The following MTFR1 variants were observed in gnomAD, a reference collection of about 807,000 sequenced individuals.
The protein encoded by MTFR1 is mitochondrial fission regulator 1, also known as chondrocyte protein with a poly-proline region.
MTFR1 carries 28 observed loss-of-function variants against 38.8 expected under a neutral mutation model. The observed-to-expected ratio is 0.72, with a 90% confidence interval of 0.53 to 0.99. The LOEUF (loss-of-function observed/expected upper bound fraction) is 0.99, where lower values mean the gene tolerates loss of function less well. Ranked by LOEUF, MTFR1 falls within the 50% of genes least tolerant of loss-of-function variation. The pLI is 0.00. For missense variants in MTFR1, 358 were observed against 395.5 expected (o/e 0.91, Z 0.81); for synonymous variants, 145 against 137.0 (o/e 1.06, Z -0.41).
chr8:65,743,244 C>T (rs865968283), intron 3 of MTFR1, among the ~76,000 whole-genome samples: 1 of 151,990 alleles, frequency 6.6e-6, no homozygotes, highest in South Asian at 2.1e-4. Context: ...GGGGAATTTC[C>T]CTGAGCAAGA....
intron 1 of MTFR1, among the ~76,000 whole-genome samples, chr8:65,667,944 A>AT (rs1804436572): frequency 6.6e-6 from 1 of 151,894 alleles, no homozygotes; most frequent in African/African-American, 2.4e-5. Flanking sequence ...TCCTCCTTTC[A>AT]TTAGCGCCCA....
chr8:65,725,526 T>C (rs1806573920), intron 3 of MTFR1: 1 of 154,132 alleles, frequency 6.5e-6, no homozygotes, highest in Non-Finnish European at 1.5e-5. Context: ...AACATGTTAA[T>C]ATAAACAGCA....
chr8:65,758,306 T>C (rs1375521202), intron 3 of MTFR1, among the ~76,000 whole-genome samples: 2 of 152,220 alleles, frequency 1.3e-5, no homozygotes, highest in Admixed American at 6.5e-5. Flanking sequence ...AATACAGTTA[T>C]ACTTTCTTGC....
exon 3 of MTFR1, chr8:65,719,452 G>C: frequency 6.2e-7 from 1 of 1,614,016 alleles, no homozygotes; most frequent in Non-Finnish European, 8.5e-7. Flanking sequence ...TGGAAAACCT[G>C]GCCCATTCTG....
At chr8:65,694,263 T>C (rs1805369726) in intron 4 of MTFR1, among the ~76,000 whole-genome samples, 1 of 151,762 alleles carries the variant, frequency 6.6e-6, no homozygotes, top group Admixed American at 6.6e-5. Flanking sequence ...TTAGTAGAGA[T>C]GGGGTTTCGC....
chr8:65,727,425 CT>C (rs1158708278), intron 3 of MTFR1: 1 of 1,386,072 alleles, frequency 7.2e-7, no homozygotes. Context: ...CACGTCATTC[CT>C]CAGGTGGTTG....
intron 1 of MTFR1, among the ~76,000 whole-genome samples, chr8:65,655,952 A>ATATATATATATATG (rs1554545341): frequency 0.016 from 580 of 36,566 alleles, 7 homozygotes; most frequent in South Asian, 0.033. Flanking sequence ...AAAAAAAAAA[A>ATATATATATATATG]TATATATATA....
intron 1 of MTFR1, among the ~76,000 whole-genome samples, chr8:65,661,145 T>C (rs774096259): frequency 9.2e-5 from 14 of 152,228 alleles, no homozygotes; most frequent in Non-Finnish European, 1.3e-4. Context: ...GGTGGATACA[T>C]ATCATTATTC....
intron 1 of MTFR1, among the ~76,000 whole-genome samples, chr8:65,666,778 G>A (rs1000260631): frequency 6.6e-6 from 1 of 152,032 alleles, no homozygotes; most frequent in Non-Finnish European, 1.5e-5. Context: ...TTTAGCTAAG[G>A]GCTCTTGTTT....
chr8:65,647,351 T>C (rs2129046527), intron 1 of MTFR1, among the ~76,000 whole-genome samples: 1 of 152,354 alleles, frequency 6.6e-6, no homozygotes, highest in South Asian at 2.1e-4. Context: ...TTACTCTTGT[T>C]GCCCAGGATG....
chr8:65,677,430 AG>A (rs1804746921), intron 2 of MTFR1, among the ~76,000 whole-genome samples: 1 of 133,734 alleles, frequency 7.5e-6, no homozygotes, highest in Admixed American at 7.9e-5. Flanking sequence ...TGTCCCAGGC[AG>A]GAGTGCAGTG....
At chr8:65,738,198 A>G (rs1434360877) in intron 3 of MTFR1, among the ~76,000 whole-genome samples, 2 of 152,256 alleles carry the variant, frequency 1.3e-5, no homozygotes, top group Non-Finnish European at 2.9e-5. Flanking sequence ...CTTTATTGCT[A>G]TAAAATGCTA....
At chr8:65,698,468 T>G (rs1805510609) in intron 4 of MTFR1, among the ~76,000 whole-genome samples, 1 of 152,006 alleles carries the variant, frequency 6.6e-6, no homozygotes, top group South Asian at 2.1e-4. Context: ...TCAAGTTAAT[T>G]TTTTCATACA....
At chr8:65,688,765 A>G (rs927703006) in intron 3 of MTFR1, among the ~76,000 whole-genome samples, 12 of 151,926 alleles carry the variant, frequency 7.9e-5, no homozygotes, top group Admixed American at 6.6e-4. Context: ...TTTTCTTAGC[A>G]TGGAAGCAAC....
chr8:65,645,933 C>A (rs1808954577), intron 1 of MTFR1, among the ~76,000 whole-genome samples: 1 of 152,120 alleles, frequency 6.6e-6, no homozygotes, highest in Non-Finnish European at 1.5e-5. Flanking sequence ...TAATAATTTG[C>A]TTTCTAGAGG....
intron 3 of MTFR1, chr8:65,719,822 T>G (rs1384387238): frequency 3.2e-6 from 1 of 312,302 alleles, no homozygotes; most frequent in African/African-American, 2.1e-5. Flanking sequence ...CTGAGGATAC[T>G]CGGGCATAGC....
At chr8:65,772,966 C>A (rs770542502), downstream of MTFR1, among the ~76,000 whole-genome samples, 1 of 152,154 alleles carries the variant, frequency 6.6e-6, no homozygotes, top group Non-Finnish European at 1.5e-5. Flanking sequence ...TGAGATCGTG[C>A]CACTGCACTC....
At chr8:65,739,541 A>C in intron 3 of MTFR1, 1 of 1,572,010 alleles carries the variant, frequency 6.4e-7, no homozygotes, top group Non-Finnish European at 8.6e-7. Flanking sequence ...AAATGGAAGT[A>C]CTCAATTAAT....
intron 1 of MTFR1, among the ~76,000 whole-genome samples, chr8:65,658,986 T>A (rs955713449): frequency 9.2e-5 from 14 of 152,076 alleles, no homozygotes; most frequent in African/African-American, 2.9e-4. Context: ...GGAAGCCAAG[T>A]TTCATCACGG....
Sources: allele counts gnomAD v4.1 joint callset (sites outside exome capture counted in the v4.1 genomes callset), GRCh38; gene constraint gnomAD v4.1.1; transcripts MANE v1.5; gene names NCBI Gene and HGNC (gene_info 2026-07-23, HGNC 2026-07-21).